CDYL: variants seen among roughly 807,000 people sequenced by gnomAD.
CDYL encodes chromodomain Y like.
A neutral mutation model predicts 47.3 loss-of-function variants in CDYL; 8 were observed. That is an observed-to-expected ratio of 0.17 (90% CI 0.10 to 0.31). The LOEUF (loss-of-function observed/expected upper bound fraction) is 0.31. CDYL is among the 10% of genes least tolerant of loss of function. CDYL has a pLI of 1.00. For missense variants in CDYL, 471 were observed against 701.4 expected (o/e 0.67, Z 3.71); for synonymous variants, 266 against 265.0 (o/e 1.00, Z -0.04).
chr6:4,807,525 C>G (rs1158353685), intron 1 of CDYL, among the ~76,000 whole-genome samples: 1 of 150,292 alleles, frequency 6.7e-6, no homozygotes, highest in Non-Finnish European at 1.5e-5. Flanking sequence ...GTTTCTTCCA[C>G]ATTTGCTAAT....
chr6:4,874,870 G>A (rs576440270), intron 1 of CDYL, among the ~76,000 whole-genome samples: 4 of 152,248 alleles, frequency 2.6e-5, no homozygotes, highest in East Asian at 3.9e-4. Context: ...GTTTGGATTC[G>A]TCTGTGTTGT....
At chr6:4,825,774 G>A (rs1759964363) in intron 1 of CDYL, among the ~76,000 whole-genome samples, 1 of 149,858 alleles carries the variant, frequency 6.7e-6, no homozygotes, top group Non-Finnish European at 1.5e-5. Flanking sequence ...TTGCCTATTT[G>A]CTAAAATTTA....
chr6:4,898,383 A>G (rs772838590), intron 2 of CDYL, among the ~76,000 whole-genome samples: 1 of 152,234 alleles, frequency 6.6e-6, no homozygotes, highest in Non-Finnish European at 1.5e-5. Context: ...GGGTTTGATC[A>G]AGAAAGATTT....
chr6:4,902,481 G>A (rs188920410), intron 2 of CDYL, among the ~76,000 whole-genome samples: 31 of 151,866 alleles, frequency 2.0e-4, no homozygotes, highest in African/African-American at 6.8e-4. Flanking sequence ...ATGTTCCAGC[G>A]TTTGGGTGGC....
At chr6:4,804,685 C>A (rs959679095) in intron 1 of CDYL, among the ~76,000 whole-genome samples, 1 of 152,212 alleles carries the variant, frequency 6.6e-6, no homozygotes, top group African/African-American at 2.4e-5. Context: ...GTCATAGAGA[C>A]CGCTGCTAAA....
chr6:4,893,433 C>T (rs940493525), intron 2 of CDYL, among the ~76,000 whole-genome samples: 3 of 152,216 alleles, frequency 2.0e-5, no homozygotes, highest in South Asian at 2.1e-4. Context: ...TGGCTCATGC[C>T]TGTAGTCTCA....
intron 1 of CDYL, among the ~76,000 whole-genome samples, chr6:4,785,164 G>A (rs888077304): frequency 6.6e-6 from 1 of 152,204 alleles, no homozygotes; most frequent in Non-Finnish European, 1.5e-5. Context: ...GAAGCAATAG[G>A]CTCTACCATA....
intron 1 of CDYL, among the ~76,000 whole-genome samples, chr6:4,803,893 C>G (rs1263390320): frequency 6.6e-6 from 1 of 151,216 alleles, no homozygotes; most frequent in South Asian, 2.1e-4. Flanking sequence ...TTTGGGGGTA[C>G]CTTTGTCCTT....
chr6:4,721,387 C>T (rs993466267), intron 2 of CDYL, among the ~76,000 whole-genome samples: 1 of 151,724 alleles, frequency 6.6e-6, no homozygotes, highest in Admixed American at 6.6e-5. Context: ...TGTTGTTTTT[C>T]TATTTTTGTT....
chr6:4,913,915 C>G (rs1757482612), intron 2 of CDYL, among the ~76,000 whole-genome samples: 1 of 152,242 alleles, frequency 6.6e-6, no homozygotes, highest in Non-Finnish European at 1.5e-5. Context: ...GCCTGTTGGC[C>G]ACCCAAGTTC....
At chr6:4,904,228 C>G (rs1036158378) in intron 2 of CDYL, among the ~76,000 whole-genome samples, 1 of 152,202 alleles carries the variant, frequency 6.6e-6, no homozygotes, top group South Asian at 2.1e-4. Flanking sequence ...TTGTACAGCC[C>G]TGCTTCTCGT....
At chr6:4,942,114 C>T (rs1038502326) in intron 4 of CDYL, among the ~76,000 whole-genome samples, 1 of 152,128 alleles carries the variant, frequency 6.6e-6, no homozygotes, top group Non-Finnish European at 1.5e-5. Context: ...ATCATTAAAC[C>T]CCAGTGTGAT....
chr6:4,782,142 A>G (rs959328500), intron 1 of CDYL, among the ~76,000 whole-genome samples: 1 of 151,882 alleles, frequency 6.6e-6, no homozygotes, highest in Admixed American at 6.6e-5. Context: ...AGGCTCCTTG[A>G]CCACTGCTGG....
At position 4,834,779 on chromosome 6, in the gene CDYL, A is replaced by T. The variant is rs1304745255; in HGVS notation, c.25-56934A>T. 2.0e-5 allele frequency among the ~76,000 whole-genome samples: 3 copies of T among 149,838 alleles called. No individual in the cohort carries two copies. The East Asian group carries it at 5.9e-4, about 29-fold the overall frequency. Reference sequence around the variant, plus strand: ...TTGGAGGCTTTGTTCATTTCTTTTTATTTTTTTTTCTCTAAACTTCCTTTC... The same window carrying T: ...TTGGAGGCTTTGTTCATTTCTTTTTTTTTTTTTTTCTCTAAACTTCCTTTC... On this transcript the variant is annotated intron_variant, in intron 1 of 6. Transcript: ENST00000397588.
rs539002058 is a variant in CDYL, at chr6:4,924,050, T to C, written c.692-11465T>C. Among the ~76,000 whole-genome samples, 4 of 152,346 alleles carry C rather than the reference T, an allele frequency of 2.6e-5. No individual in the cohort carries two copies. The East Asian group carries it at 7.7e-4, about 29-fold the overall frequency. On this transcript the variant is annotated intron_variant, in intron 2 of 6. Transcript: ENST00000397588. The stretch of plus-strand genomic sequence containing the variant: ...TGCACTTGCCACATCTAATACAACA[T>C]TATTGTGTGTCTCTAGGTTCACAAT...
chr6:4,797,503 TG>T lies in CDYL; in HGVS notation c.24+20697del, dbSNP rs1217549648. The stretch of plus-strand genomic sequence containing the variant: ...AAGTATGTAGTTCACTGGTTTTTAG[TG>T]TATTCACAAAGTTGTACAGCCGCCG... On this transcript the variant is annotated intron_variant, in intron 1 of 6. Coordinates refer to ENST00000397588, the MANE Select transcript of CDYL (RefSeq NM_004824.4). Among the ~76,000 whole-genome samples, 4 of 152,000 alleles carry T rather than the reference TG, an allele frequency of 2.6e-5. No individual in the cohort carries two copies. The East Asian group carries it at 7.7e-4, about 29-fold the overall frequency.
At chr6:4,918,267 C>T (rs1442936817) in intron 2 of CDYL, among the ~76,000 whole-genome samples, 1 of 152,014 alleles carries the variant, frequency 6.6e-6, no homozygotes, top group Non-Finnish European at 1.5e-5. Flanking sequence ...ATGTCGATAG[C>T]TATGGTTATT....
At chr6:4,747,930 A>G (rs1757925559) in intron 3 of CDYL, among the ~76,000 whole-genome samples, 1 of 152,222 alleles carries the variant, frequency 6.6e-6, no homozygotes, top group African/African-American at 2.4e-5. Flanking sequence ...AGTTCCAAGG[A>G]GAGAAATGTC....
At chr6:4,751,792 G>C (rs1458369947) in intron 3 of CDYL, among the ~76,000 whole-genome samples, 1 of 152,232 alleles carries the variant, frequency 6.6e-6, no homozygotes, top group Non-Finnish European at 1.5e-5. Context: ...ACCATACTTA[G>C]AAATGCAAAC....
Sources: gnomAD v4.1 joint callset for allele counts (sites outside exome capture counted in the v4.1 genomes callset) on GRCh38, gnomAD v4.1.1 for gene constraint, MANE v1.5 for transcripts, NCBI Gene and HGNC (gene_info 2026-07-23, HGNC 2026-07-21) for gene names.